The following AUTS2 variants were observed in gnomAD, a reference collection of about 807,000 sequenced individuals.
AUTS2 encodes activator of transcription and developmental regulator AUTS2.
A neutral mutation model predicts 112.4 loss-of-function variants in AUTS2; 17 were observed. That is an observed-to-expected ratio of 0.15 (90% confidence interval 0.10 to 0.23). AUTS2 has a LOEUF of 0.23. Ranked by LOEUF, AUTS2 falls within the 10% of genes least tolerant of loss-of-function variation. AUTS2 has a pLI of 1.00. For missense variants in AUTS2, 1,510 were observed against 1,701.6 expected (o/e 0.89, Z 1.98); for synonymous variants, 751 against 702.7 (o/e 1.07, Z -1.09).
chr7:70,247,412 G>A (rs1218875676), intron 4 of AUTS2, among the ~76,000 whole-genome samples: 2 of 152,006 alleles, frequency 1.3e-5, no homozygotes, highest in African/African-American at 4.8e-5. Flanking sequence ...TTTCAGTTTG[G>A]GAAGATGAAA....
At chr7:70,206,738 A>G (rs1457248720) in intron 4 of AUTS2, among the ~76,000 whole-genome samples, 1 of 152,198 alleles carries the variant, frequency 6.6e-6, no homozygotes, top group Non-Finnish European at 1.5e-5. Flanking sequence ...TTGATGTTTC[A>G]TTAGCCAAGT....
intron 4 of AUTS2, among the ~76,000 whole-genome samples, chr7:70,217,733 T>C (rs750124288): frequency 1.3e-5 from 2 of 152,182 alleles, no homozygotes; most frequent in East Asian, 1.9e-4. Flanking sequence ...TTCCTAGATG[T>C]TGAAAGGCAG....
chr7:69,820,102 C>T (rs1284884986), intron 1 of AUTS2, among the ~76,000 whole-genome samples: 1 of 152,118 alleles, frequency 6.6e-6, no homozygotes, highest in African/African-American at 2.4e-5. Context: ...ATGGTACTGC[C>T]TGGGAGTCAT....
chr7:70,754,842 G>T (rs1789093173), intron 6 of AUTS2, among the ~76,000 whole-genome samples: 1 of 152,144 alleles, frequency 6.6e-6, no homozygotes, highest in Non-Finnish European at 1.5e-5. Flanking sequence ...AGGAGCTAGT[G>T]CCCCCCACAT....
intron 1 of AUTS2, among the ~76,000 whole-genome samples, chr7:69,771,973 T>C (rs1044482579): frequency 3.9e-5 from 6 of 152,022 alleles, no homozygotes; most frequent in African/African-American, 1.5e-4. Context: ...TTAGTAGAGA[T>C]GGAGTTTCTC....
intron 2 of AUTS2, among the ~76,000 whole-genome samples, chr7:70,048,802 T>G (rs890814572): frequency 6.6e-6 from 1 of 152,216 alleles, no homozygotes; most frequent in African/African-American, 2.4e-5. Flanking sequence ...AAAAGTTGAT[T>G]GATAAATAAA....
chr7:69,992,623 C>T (rs914549439), intron 2 of AUTS2, among the ~76,000 whole-genome samples: 4 of 152,214 alleles, frequency 2.6e-5, no homozygotes, highest in East Asian at 1.9e-4. Flanking sequence ...TTTGGGAAGC[C>T]GAGGATTATA....
At chr7:69,802,854 T>C (rs1790144448) in intron 1 of AUTS2, among the ~76,000 whole-genome samples, 1 of 152,252 alleles carries the variant, frequency 6.6e-6, no homozygotes. Flanking sequence ...TTGTGAATTC[T>C]TAAATCTTCC....
At chr7:70,239,914 G>A (rs561649761) in intron 4 of AUTS2, among the ~76,000 whole-genome samples, 2 of 152,252 alleles carry the variant, frequency 1.3e-5, no homozygotes, top group Non-Finnish European at 2.9e-5. Flanking sequence ...GGGAAAGTAC[G>A]GCATAAGCAC....
At chr7:69,912,552 A>G (rs1667353694) in intron 2 of AUTS2, among the ~76,000 whole-genome samples, 1 of 152,238 alleles carries the variant, frequency 6.6e-6, no homozygotes, top group South Asian at 2.1e-4. Context: ...CTCCAGATAG[A>G]CTAAGGAGAC....
At chr7:69,635,473 G>A (rs932680691) in intron 1 of AUTS2, among the ~76,000 whole-genome samples, 2 of 152,192 alleles carry the variant, frequency 1.3e-5, no homozygotes, top group African/African-American at 2.4e-5. Context: ...GAAAAGTAGA[G>A]GGTGGAAGTC....
At chr7:70,634,703 A>G (rs1047697195) in intron 5 of AUTS2, among the ~76,000 whole-genome samples, 3 of 152,122 alleles carry the variant, frequency 2.0e-5, no homozygotes, top group Non-Finnish European at 4.4e-5. Flanking sequence ...CCTCCATCCC[A>G]TCTGATTCAG....
intron 2 of AUTS2, among the ~76,000 whole-genome samples, chr7:69,987,555 A>C (rs1184635364): frequency 1.3e-5 from 2 of 151,234 alleles, no homozygotes; most frequent in African/African-American, 4.9e-5. Flanking sequence ...GCATTCTTGA[A>C]CTCCTGGGCT....
At chr7:70,353,985 A>C (rs1253131522) in intron 4 of AUTS2, among the ~76,000 whole-genome samples, 1 of 152,172 alleles carries the variant, frequency 6.6e-6, no homozygotes, top group African/African-American at 2.4e-5. Context: ...CCTTGGTGTG[A>C]GTTATTAGTT....
rs533080451 is a variant in AUTS2, at chr7:70,409,944, G to A, written c.661-25808G>A. Reference sequence around the variant, plus strand: ...CTCAGGGACCTGTTCTCTGACCCACGCACTTGAACAGTGTTCACAGTGAGA... The same window carrying A: ...CTCAGGGACCTGTTCTCTGACCCACACACTTGAACAGTGTTCACAGTGAGA... On this transcript the variant is annotated intron_variant, in intron 4 of 18. Transcript: ENST00000342771. Among the ~76,000 whole-genome samples the A allele has an allele frequency of 1.1e-4, 17 of 152,250 alleles. 1 individual carries two copies. Among genetic ancestry groups the A allele is most frequent in the South Asian group, 2.1e-4 (1 of 4,824 alleles).
intron 3 of AUTS2, among the ~76,000 whole-genome samples, chr7:70,131,673 T>G (rs1806277880): frequency 6.6e-6 from 1 of 152,072 alleles, no homozygotes; most frequent in Admixed American, 6.6e-5. Flanking sequence ...CTTGGAAAAT[T>G]ATTGAAGCTA....
chr7:70,167,665 A>G (rs960133743), intron 4 of AUTS2, among the ~76,000 whole-genome samples: 8 of 152,206 alleles, frequency 5.3e-5, no homozygotes, highest in Admixed American at 2.6e-4. Context: ...TTGAGCTATT[A>G]AGTAAATTTC....
At chr7:70,018,706 G>T (rs537451923) in intron 2 of AUTS2, among the ~76,000 whole-genome samples, 3 of 152,312 alleles carry the variant, frequency 2.0e-5, no homozygotes, top group Admixed American at 6.5e-5. Context: ...ATCTGCCGTG[G>T]TGAGTTGCTT....
intron 1 of AUTS2, 47 bp from the exon 2 acceptor site, chr7:69,899,239 A>T: frequency 6.9e-7 from 1 of 1,449,664 alleles, no homozygotes; most frequent in Non-Finnish European, 9.7e-7. Flanking sequence ...GTGACCCTAG[A>T]TACCTTTGTA....
Sources: gnomAD v4.1 joint callset for allele counts (sites outside exome capture counted in the v4.1 genomes callset) on GRCh38, gnomAD v4.1.1 for gene constraint, MANE v1.5 for transcripts, NCBI Gene and HGNC (gene_info 2026-07-23, HGNC 2026-07-21) for gene names.